Variants in PGAP4 observed in about 807,000 individuals in gnomAD.
PGAP4 encodes post-GPI attachment to proteins GalNAc transferase 4.
Under a neutral mutation model 28.2 loss-of-function variants are expected in PGAP4, and 12 were observed. The observed-to-expected ratio is 0.42, with a 90% CI of 0.27 to 0.69. PGAP4 has a LOEUF of 0.69. Ranked by LOEUF, PGAP4 falls within the 30% of genes least tolerant of loss-of-function variation. PGAP4 has a pLI of 0.22. For missense variants in PGAP4, 425 were observed against 513.5 expected, an observed-to-expected ratio of 0.83 and a Z score of 1.67; for synonymous variants, 205 against 211.8, an observed-to-expected ratio of 0.97 and a Z score of 0.28.
At chr9:101,506,212 C>G (rs951846228) in intron 2 of PGAP4, among the ~76,000 whole-genome samples, 1 of 152,038 alleles carries the variant, frequency 6.6e-6, no homozygotes, top group Non-Finnish European at 1.5e-5. Context: ...AAGCCGCTAC[C>G]AGTTATGCAT....
chr9:101,515,920 C>T (rs901677035), intron 2 of PGAP4, among the ~76,000 whole-genome samples: 1 of 151,836 alleles, frequency 6.6e-6, no homozygotes, highest in Non-Finnish European at 1.5e-5. Context: ...TTCAAAATAA[C>T]TAATAAAGTA....
chr9:101,484,990 A>G (rs1171048247), intron 1 of PGAP4, among the ~76,000 whole-genome samples: 3 of 152,214 alleles, frequency 2.0e-5, no homozygotes, highest in Non-Finnish European at 4.4e-5. Context: ...ATAATTAAGC[A>G]TTTGATTCAA....
chr9:101,491,534 T>C (rs528801209), upstream of PGAP4, among the ~76,000 whole-genome samples: 1 of 152,188 alleles, frequency 6.6e-6, no homozygotes, highest in African/African-American at 2.4e-5. Flanking sequence ...ACTACTTGAC[T>C]AAAGAAGCTG....
At chr9:101,530,088 C>A (rs1827074402) in intron 2 of PGAP4, among the ~76,000 whole-genome samples, 3 of 152,034 alleles carry the variant, frequency 2.0e-5, no homozygotes, top group African/African-American at 4.8e-5. Flanking sequence ...AATCTTAGAA[C>A]AAAACATTTG....
intron 2 of PGAP4, among the ~76,000 whole-genome samples, chr9:101,527,281 G>A (rs986093288): frequency 1.3e-5 from 2 of 152,158 alleles, no homozygotes; most frequent in Admixed American, 6.5e-5. Context: ...TTCTGAGTCA[G>A]GAAAGGGGTG....
upstream of PGAP4, among the ~76,000 whole-genome samples, chr9:101,489,363 C>T (rs1826665236): frequency 6.6e-6 from 1 of 152,010 alleles, no homozygotes; most frequent in Admixed American, 6.6e-5. Context: ...CACACTACAA[C>T]AGGATAATGA....
Position 101,500,533 on chromosome 9 carries a change from T to G in PGAP4, c.-164-11333A>C, listed in dbSNP as rs529402087. ...TTTAATCACATTTGCAAGACTTGTT[T>G]TTTTTTTTTTACTATGTATGGTAAC... is the stretch of plus-strand genomic sequence containing the variant. On this transcript the variant is annotated intron_variant, in intron 2 of 3. Coordinates refer to the PGAP4 transcript ENST00000374851. Among the ~76,000 whole-genome samples the G allele has an allele frequency of 7.9e-5, 12 of 151,878 alleles. No individual in the cohort carries two copies. In the South Asian group the frequency reaches 2.3e-3, roughly 29 times the overall value.
upstream of PGAP4, among the ~76,000 whole-genome samples, chr9:101,490,857 T>C (rs1826681140): frequency 6.6e-6 from 1 of 152,208 alleles, no homozygotes; most frequent in Admixed American, 6.5e-5. Flanking sequence ...TTTGCTGTAA[T>C]AGTGAGAAGA....
At chr9:101,527,839 C>T (rs1167739492) in intron 2 of PGAP4, among the ~76,000 whole-genome samples, 1 of 152,092 alleles carries the variant, frequency 6.6e-6, no homozygotes, top group Non-Finnish European at 1.5e-5. Flanking sequence ...AATATTAAGG[C>T]CCTCCTTGCT....
At chr9:101,500,459 T>C (rs186027123) in intron 2 of PGAP4, among the ~76,000 whole-genome samples, 1 of 152,120 alleles carries the variant, frequency 6.6e-6, no homozygotes, top group Admixed American at 6.6e-5. Flanking sequence ...GTGACTATAA[T>C]GGGCCTAGCC....
intron 2 of PGAP4, among the ~76,000 whole-genome samples, chr9:101,494,254 A>C (rs1248016522): frequency 6.6e-6 from 1 of 151,952 alleles, no homozygotes; most frequent in African/African-American, 2.4e-5. Flanking sequence ...TATTTTGTTT[A>C]TAAAGAGAGA....
intron 2 of PGAP4, among the ~76,000 whole-genome samples, chr9:101,495,184 T>C (rs1276690843): frequency 1.0e-5 from 1 of 100,290 alleles, no homozygotes; most frequent in Admixed American, 1.6e-4. Flanking sequence ...TATATATTTT[T>C]TGTATAATAT....
intron 2 of PGAP4, among the ~76,000 whole-genome samples, chr9:101,530,631 G>A (rs1374957911): frequency 6.6e-6 from 1 of 152,180 alleles, no homozygotes; most frequent in African/African-American, 2.4e-5. Flanking sequence ...AGAAATGAAT[G>A]GGGAATGCAT....
At chr9:101,502,654 T>C (rs1826813974) in intron 2 of PGAP4, among the ~76,000 whole-genome samples, 1 of 152,054 alleles carries the variant, frequency 6.6e-6, no homozygotes, top group African/African-American at 2.4e-5. Context: ...CATTTCCTGT[T>C]AGGGCATCCT....
intron 1 of PGAP4, among the ~76,000 whole-genome samples, chr9:101,532,218 C>T (rs953816831): frequency 6.7e-6 from 1 of 150,184 alleles, no homozygotes; most frequent in Non-Finnish European, 1.5e-5. Flanking sequence ...TGCAGTGAGC[C>T]GAGATTGTGC....
Position 101,476,510 on chromosome 9 carries a change from G to A in PGAP4, c.583C>T (p.Leu195=), listed in dbSNP as rs370995667. 26 of 1,614,068 alleles carry A rather than the reference G, an allele frequency of 1.6e-5. No homozygotes were observed. In the African/African-American group the frequency reaches 3.2e-4, roughly 20 times the overall value. ...EKEKQDYVYC[L]ESSLQTYNPD... ...TTGTAGGTCTGCAGGGATGACTCCA[G>A]GCAATAGACATAGTCCTGCTTCTCT... Residue 195 remains leucine (L), a synonymous_variant, in exon 2 of 2, where the codon CTG becomes TTG. Transcript: ENST00000374848. This position sits in a 1 kb window ranked among gnomAD's most constrained non-coding sequence, Gnocchi z 7.0.
At chr9:101,524,848 C>T (rs1193819393) in intron 2 of PGAP4, among the ~76,000 whole-genome samples, 1 of 152,202 alleles carries the variant, frequency 6.6e-6, no homozygotes, top group Non-Finnish European at 1.5e-5. Flanking sequence ...CAGGAGTAGT[C>T]CGCTTCCTTC....
intron 2 of PGAP4, among the ~76,000 whole-genome samples, chr9:101,500,456 T>C (rs1165023816): frequency 6.6e-6 from 1 of 152,030 alleles, no homozygotes; most frequent in Admixed American, 6.6e-5. Flanking sequence ...CTTGTGACTA[T>C]AATGGGCCTA....
chr9:101,502,094 T>C (rs948002633), intron 2 of PGAP4, among the ~76,000 whole-genome samples: 4 of 152,076 alleles, frequency 2.6e-5, no homozygotes, highest in African/African-American at 7.2e-5. Flanking sequence ...CATCTCAGGG[T>C]AGGTCATTTC....
Sources: gnomAD v4.1 joint callset for allele counts (sites outside exome capture counted in the v4.1 genomes callset) on GRCh38, gnomAD v4.1.1 for gene constraint, Gnocchi (gnomAD v3.1) non-coding constraint, MANE v1.5 for transcripts, NCBI Gene and HGNC (gene_info 2026-07-23, HGNC 2026-07-21) for gene names.